The following DKK2 variants were observed in gnomAD, a reference collection of about 807,000 sequenced individuals.
DKK2 encodes the protein dickkopf-related protein 2.
In DKK2, 11 loss-of-function variants were observed where a neutral mutation model predicts 28.1. The ratio of observed to expected loss-of-function variants is 0.39; its 90% CI spans 0.25 to 0.65. DKK2 has a LOEUF of 0.65. Among genes scored for constraint, DKK2 ranks in the 30% least tolerant of loss-of-function variants. The pLI, the probability that DKK2 is intolerant of heterozygous loss-of-function variation, is 0.47. For missense variants in DKK2, 326 were observed against 335.5 expected (o/e 0.97, Z 0.22); for synonymous variants, 135 against 126.5 (o/e 1.07, Z -0.45).
At chr4:106,936,264 T>A (rs1225340184) in intron 1 of DKK2, among the ~76,000 whole-genome samples, 1 of 151,800 alleles carries the variant, frequency 6.6e-6, no homozygotes, top group Non-Finnish European at 1.5e-5. Flanking sequence ...TACAGAGAAG[T>A]GCTTAAAGGA....
At chr4:106,997,670 T>C (rs1228755048) in intron 1 of DKK2, among the ~76,000 whole-genome samples, 1 of 152,218 alleles carries the variant, frequency 6.6e-6, no homozygotes, top group African/African-American at 2.4e-5. Flanking sequence ...AAAACATCCA[T>C]GACAAAGGTC....
chr4:106,924,483 T>C (rs1724396227), intron 3 of DKK2, 62 bp downstream of exon 3: 12 of 1,540,482 alleles, frequency 7.8e-6, no homozygotes, highest in South Asian at 1.2e-5. Context: ...TGGAATTAAT[T>C]ATCTATATTT....
At chr4:106,928,255 C>A in intron 1 of DKK2, among the ~76,000 whole-genome samples, 1 of 151,998 alleles carries the variant, frequency 6.6e-6, no homozygotes. Flanking sequence ...GAGGGAACCT[C>A]ATTTGATCAA....
At chr4:107,033,312 CT>C (rs1723905099) in intron 1 of DKK2, among the ~76,000 whole-genome samples, 4 of 152,086 alleles carry the variant, frequency 2.6e-5, no homozygotes, top group Admixed American at 2.6e-4. Context: ...AGAAATTCAA[CT>C]CATTTGTGAA....
chr4:106,993,585 C>G (rs997657403), intron 1 of DKK2, among the ~76,000 whole-genome samples: 3 of 152,044 alleles, frequency 2.0e-5, no homozygotes, highest in African/African-American at 4.8e-5. Flanking sequence ...TATATAAGCT[C>G]TTAGTGATCA....
intron 1 of DKK2, among the ~76,000 whole-genome samples, chr4:106,967,707 G>C (rs1042243397): frequency 6.6e-6 from 1 of 151,152 alleles, no homozygotes; most frequent in African/African-American, 2.4e-5. Context: ...ATATTTGTTA[G>C]GAAAAAGAAG....
chr4:106,975,165 C>T (rs527378454), intron 1 of DKK2, among the ~76,000 whole-genome samples: 110 of 152,164 alleles, frequency 7.2e-4, no homozygotes, highest in African/African-American at 1.9e-3. Context: ...TTAAGATTTT[C>T]GCACTGATGT....
chr4:106,973,933 C>T (rs772577856), intron 1 of DKK2, among the ~76,000 whole-genome samples: 3 of 152,042 alleles, frequency 2.0e-5, no homozygotes, highest in East Asian at 1.9e-4. Context: ...GGAAGGGGTC[C>T]GGTTTCAGTT....
chr4:106,934,732 A>G (rs997827101), intron 1 of DKK2, among the ~76,000 whole-genome samples: 1 of 152,204 alleles, frequency 6.6e-6, no homozygotes, highest in African/African-American at 2.4e-5. Context: ...GAAACAGCTG[A>G]AGGAAGCAGA....
intron 1 of DKK2, among the ~76,000 whole-genome samples, chr4:107,027,756 A>ATTT (rs71590176): frequency 5.2e-5 from 7 of 135,322 alleles, no homozygotes; most frequent in South Asian, 2.4e-4. Flanking sequence ...ACCTATTATG[A>ATTT]TTTTTTTTTT....
At chr4:106,965,526 C>T (rs1013618411) in intron 1 of DKK2, among the ~76,000 whole-genome samples, 4 of 151,928 alleles carry the variant, frequency 2.6e-5, no homozygotes, top group Non-Finnish European at 4.4e-5. Context: ...CTGTTTAATT[C>T]CAAAGAATAC....
At chr4:106,991,522 C>A (rs1446626432) in intron 1 of DKK2, among the ~76,000 whole-genome samples, 1 of 152,118 alleles carries the variant, frequency 6.6e-6, no homozygotes, top group Non-Finnish European at 1.5e-5. Flanking sequence ...AAAACAAGTC[C>A]AAATTCTTCA....
At chr4:106,984,497 TGCTGTA>T (rs1174199875) in intron 1 of DKK2, among the ~76,000 whole-genome samples, 1 of 152,252 alleles carries the variant, frequency 6.6e-6, no homozygotes, top group Non-Finnish European at 1.5e-5. Flanking sequence ...GGTTAGTCCA[TGCTGTA>T]GCATGTATCA....
chr4:106,937,732 G>C (rs1411695065), intron 1 of DKK2, among the ~76,000 whole-genome samples: 1 of 140,742 alleles, frequency 7.1e-6, no homozygotes, highest in Admixed American at 7.2e-5. Context: ...GCTCTCCTCA[G>C]CAAATGTAAA....
chr4:106,978,869 A>C (rs1226436524), intron 1 of DKK2, among the ~76,000 whole-genome samples: 1 of 151,946 alleles, frequency 6.6e-6, no homozygotes, highest in East Asian at 1.9e-4. Flanking sequence ...TTGTGCTTGA[A>C]ACCCAGGGCC....
chr4:106,939,239 A>T (rs1396644825), intron 1 of DKK2, among the ~76,000 whole-genome samples: 1 of 152,208 alleles, frequency 6.6e-6, no homozygotes, highest in Admixed American at 6.5e-5. Flanking sequence ...AAATCTCCTT[A>T]AGCTGATAAG....
Position 107,035,427 on chromosome 4 carries a change from C to G in DKK2, c.165G>C (p.Ala55=). The change falls in exon 1 of 4, where the codon GCG becomes GCC. Residue 55 remains alanine (A), a synonymous_variant. Transcript: ENST00000285311. ...CGAATGCCAGTCCTTGGTACATGCC[C>G]GCAGATCGATTGGCGGCCTGACCAG... ...ETPGQAANRS[A]GMYQGLAFGG... The G allele has an allele frequency of 6.2e-7, 1 of 1,614,184 alleles. No homozygotes were observed. Among genetic ancestry groups the G allele is most frequent in the Non-Finnish European group, 8.5e-7 (1 of 1,180,036 alleles).
At chr4:107,009,737 C>G (rs940258552) in intron 1 of DKK2, among the ~76,000 whole-genome samples, 1 of 151,808 alleles carries the variant, frequency 6.6e-6, no homozygotes, top group Admixed American at 6.6e-5. Context: ...ATAAAATACA[C>G]AAGCCCTCAC....
Position 106,925,929 on chromosome 4 carries a change from A to T in DKK2, c.243T>A (p.Asp81Glu), listed in dbSNP as rs34142476. Residue 81 changes from aspartate to glutamate, a missense_variant, in exon 2 of 4, where the codon GAT (aspartate) becomes GAA (glutamate). Transcript: ENST00000285311. ...NLGQAYPCSSDKECEVGRYCH... is the reference protein window; with the variant it reads ...NLGQAYPCSSEKECEVGRYCH... ...AATACCTCCCAACTTCACACTCCTT[A>T]TCACTGCTACAAGGGTAGGCCTGTC... 1 of 1,612,744 alleles carries T rather than the reference A, an allele frequency of 6.2e-7. No homozygotes were observed.
Sources: gnomAD v4.1 joint callset for allele counts (sites outside exome capture counted in the v4.1 genomes callset) on GRCh38, gnomAD v4.1.1 for gene constraint, MANE v1.5 for transcripts, NCBI Gene and HGNC (gene_info 2026-07-23, HGNC 2026-07-21) for gene names.